The following ZNF577 variants were observed in gnomAD, a reference collection of about 807,000 sequenced individuals.
ZNF577 encodes zinc finger protein 577.
A neutral mutation model predicts 13.9 loss-of-function variants in ZNF577; 14 were observed. That is an observed-to-expected ratio of 1.00 (90% confidence interval 0.66 to 1.57). The LOEUF (loss-of-function observed/expected upper bound fraction) is 1.57. Among genes scored for constraint, ZNF577 ranks in the 40% most tolerant of loss-of-function variants. The pLI is 0.00. For synonymous variants in ZNF577, 203 were observed against 202.9 expected (o/e 1.00, Z 0.00); for missense variants, 555 against 579.2 (o/e 0.96, Z 0.43).
chr19:51,842,429 C>T (rs2122544530), intron 8 of ZNF577, among the ~76,000 whole-genome samples: 1 of 152,226 alleles, frequency 6.6e-6, no homozygotes. Context: ...CTACTTTTTG[C>T]TCTCCTGCCA....
chr19:51,824,486 G>C lies in ZNF577; in HGVS notation c.*600-12812C>G. 1 of 1,613,960 alleles carries C rather than the reference G, an allele frequency of 6.2e-7. No individual in the cohort carries two copies. ...GTCCCTTACGTGTCTTCGCTGCTGT[G>C]GTGGCTTCTTTCTTCATCTGTTGGT... is the stretch of plus-strand genomic sequence containing the variant. On this transcript the variant is annotated intron_variant and NMD_transcript_variant, in intron 9 of 10. Coordinates refer to the ZNF577 transcript ENST00000638827. The surrounding 1 kb of genome is among the most constrained non-coding windows in gnomAD (Gnocchi z 4.7).
intron 5 of ZNF577, among the ~76,000 whole-genome samples, chr19:51,859,044 C>T (rs1273894777): frequency 6.6e-6 from 1 of 152,138 alleles, no homozygotes; most frequent in Non-Finnish European, 1.5e-5. Flanking sequence ...TGCTTTATTT[C>T]TCTATAGATT....
intron 9 of ZNF577, among the ~76,000 whole-genome samples, chr19:51,834,199 T>C (rs2084276955): frequency 6.6e-6 from 1 of 152,142 alleles, no homozygotes; most frequent in Non-Finnish European, 1.5e-5. Context: ...CAAGTGATCC[T>C]CCACCTCAGT....
rs760137716 is a variant in ZNF577 at position 51,824,477 on chromosome 19, C to T, written c.*600-12803G>A. The T allele has an allele frequency of 1.7e-5, 28 of 1,614,032 alleles. No homozygotes were observed. The highest frequency in any genetic ancestry group is 4.5e-5 in the East Asian group (2 of 44,844). ...AATCCAGCCGTCCCTTACGTGTCTT[C>T]GCTGCTGTGGTGGCTTCTTTCTTCA... On this transcript the variant is annotated intron_variant and NMD_transcript_variant, in intron 9 of 10. Transcript: ENST00000638827. This position sits in a 1 kb window ranked among gnomAD's most constrained non-coding sequence, Gnocchi z 4.7.
At chr19:51,863,311 A>G (rs2084524095), downstream of ZNF577, 2 of 152,246 alleles carry the variant, frequency 1.3e-5, no homozygotes. Flanking sequence ...AAGCTAGTGT[A>G]CGCACAACAG....
At position 51,823,818 on chromosome 19, in the gene ZNF577, G is replaced by A. The variant is rs774486058; in HGVS notation, c.*600-12144C>T. The A allele has an allele frequency of 4.7e-5, 76 of 1,613,752 alleles. No homozygotes were observed. The Admixed American group carries it at 5.7e-4, about 12-fold the overall frequency. On this transcript the variant is annotated intron_variant and NMD_transcript_variant, in intron 9 of 10. Coordinates refer to the ZNF577 transcript ENST00000638827. The stretch of plus-strand genomic sequence containing the variant: ...GCTCCCTGAGCCTGCTGGCCACACC[G>A]TTCTGTGGATCTTCTCATTGCTAGT...
intron 8 of ZNF577, chr19:51,840,961 T>C (rs1182413412): frequency 6.6e-6 from 1 of 152,028 alleles, no homozygotes; most frequent in Non-Finnish European, 1.5e-5. Flanking sequence ...ACAGAGTAAG[T>C]TCCCTCATTT....
intron 5 of ZNF577, among the ~76,000 whole-genome samples, chr19:51,852,566 A>G (rs1206064526): frequency 6.6e-6 from 1 of 151,486 alleles, no homozygotes; most frequent in African/African-American, 2.4e-5. Flanking sequence ...CCGAGGAAGA[A>G]GGGAACAGAC....
At chr19:51,831,642 G>A (rs551484804) in intron 9 of ZNF577, among the ~76,000 whole-genome samples, 41 of 151,488 alleles carry the variant, frequency 2.7e-4, no homozygotes, top group Admixed American at 2.0e-3. Context: ...AAACATGATC[G>A]TGCCCATCTC....
At position 51,887,046 on chromosome 19, in the gene ZNF577, G is replaced by A. The variant is rs962632686; in HGVS notation, c.-444C>T. The A allele has an allele frequency of 4.0e-5, 6 of 150,824 alleles. No homozygotes were observed. The highest frequency in any genetic ancestry group is 1.3e-4 in the Admixed American group (2 of 14,954). The allele number at this position is 150,824 out of a possible 1,614,324, so 9.3% of individuals were successfully genotyped here. A position where few individuals can be genotyped will look rare whatever the true frequency, so the allele number is the denominator to read the frequency against. On this transcript the variant is annotated 5_prime_UTR_variant, in exon 1 of 6. Coordinates refer to ENST00000638348, the MANE Select transcript of ZNF577 (RefSeq NM_001370449.1). ...TTAGGAACAAAAAAGGAAAGGGGGA[G>A]GGGTCTTATGCAAAAAAAAAGTCAC... is the stretch of plus-strand genomic sequence containing the variant.
chr19:51,880,917 C>G (rs2084852184), intron 1 of ZNF577, 40 bp from the exon 2 acceptor site: 1 of 154,416 alleles, frequency 6.5e-6, no homozygotes, highest in Non-Finnish European at 1.4e-5. Context: ...AGAAGACATG[C>G]TCCTAGGATC....
Position 51,869,394 on chromosome 19 carries a change from C to G in ZNF577, c.*3138G>C, listed in dbSNP as rs2084618002. ...CCTATGTGCACATCGAGGCACAGCA[C>G]CTTTCCTTAAACTTATTTATGACAC... On this transcript the variant is annotated 3_prime_UTR_variant, in exon 6 of 6. Transcript: ENST00000638348. Among the ~76,000 whole-genome samples the G allele has an allele frequency of 6.6e-6, 1 of 152,156 alleles. No individual in the cohort carries two copies. The highest frequency in any genetic ancestry group is 6.5e-5 in the Admixed American group (1 of 15,286).
rs1283441721 is a variant in ZNF577 at position 51,878,413 on chromosome 19, T to TC, written c.162dup (p.Asn55GlufsTer47). 1 of 1,614,026 alleles carries TC rather than the reference T, an allele frequency of 6.2e-7. No individual in the cohort carries two copies. Among genetic ancestry groups the TC allele is most frequent in the Admixed American group, 1.7e-5 (1 of 60,006 alleles). ...CCTATTGATACTAGGTTGATGTAGT[T>TC]CTCCAACATTACTTCCTTGTACAAG... On this transcript the variant is annotated frameshift_variant, in exon 4 of 6. Transcript: ENST00000638348. LOFTEE classifies it high-confidence loss of function.
At chr19:51,811,001 C>T (rs2084092851) in intron 10 of ZNF577, among the ~76,000 whole-genome samples, 2 of 152,258 alleles carry the variant, frequency 1.3e-5, no homozygotes, top group Admixed American at 6.5e-5. Flanking sequence ...CTGGAGGAGG[C>T]TGTATAGGCC....
chr19:51,861,950 T>C (rs1160927577), intron 5 of ZNF577: 1 of 151,704 alleles, frequency 6.6e-6, no homozygotes, highest in Non-Finnish European at 1.5e-5. Context: ...GGACAAAACC[T>C]TCCCACATCC....
chr19:51,843,720 A>G (rs1456770705), intron 6 of ZNF577, among the ~76,000 whole-genome samples: 1 of 152,202 alleles, frequency 6.6e-6, no homozygotes, highest in Non-Finnish European at 1.5e-5. Flanking sequence ...TATGTATTGC[A>G]TGGTATTATG....
chr19:51,860,745 C>T, intron 5 of ZNF577: 1 of 258,756 alleles, frequency 3.9e-6, no homozygotes, highest in Non-Finnish European at 7.4e-6. Context: ...ACCACATTTA[C>T]TATATTAATA....
intron 9 of ZNF577, among the ~76,000 whole-genome samples, chr19:51,813,613 C>T (rs766457950): frequency 6.6e-6 from 1 of 151,904 alleles, no homozygotes; most frequent in Non-Finnish European, 1.5e-5. Flanking sequence ...TCACTGCAAG[C>T]TCCACCTCCC....
Position 51,870,575 on chromosome 19 carries a change from T to C in ZNF577, c.*1957A>G, listed in dbSNP as rs1219285302. On this transcript the variant is annotated 3_prime_UTR_variant, in exon 6 of 6. Coordinates refer to ENST00000638348, the MANE Select transcript of ZNF577 (RefSeq NM_001370449.1). ...CTTGTGTGTAATCCAAGGATTTTTCTGCGTGTTCATTTCTTCCTGTTCTTC... is the reference window on the plus strand; with the variant it reads ...CTTGTGTGTAATCCAAGGATTTTTCCGCGTGTTCATTTCTTCCTGTTCTTC... 6.6e-6 allele frequency among the ~76,000 whole-genome samples: 1 copy of C among 152,042 alleles called. No homozygotes were observed. The highest frequency in any genetic ancestry group is 2.4e-5 in the African/African-American group (1 of 41,332).
Sources: allele counts gnomAD v4.1 joint callset (sites outside exome capture counted in the v4.1 genomes callset), GRCh38; gene constraint gnomAD v4.1.1; non-coding constraint Gnocchi (gnomAD v3.1); transcripts MANE v1.5; gene names NCBI Gene and HGNC (gene_info 2026-07-23, HGNC 2026-07-21).